APP: variants seen among roughly 807,000 people sequenced by gnomAD.
The protein encoded by APP is amyloid beta precursor protein.
In APP, 31 loss-of-function variants were observed where a neutral mutation model predicts 101.4. The ratio of observed to expected loss-of-function variants is 0.31; its 90% CI spans 0.23 to 0.41. APP has a LOEUF of 0.41. Among genes scored for constraint, APP ranks in the 10% least tolerant of loss-of-function variants. The probability of loss-of-function intolerance (pLI) is 1.00; values close to 1 mark genes in which losing one functional copy is unlikely to be tolerated. For synonymous variants in APP, 366 were observed against 364.4 expected, an observed-to-expected ratio of 1.00 and a Z score of -0.05; for missense variants, 839 against 1,003.7, an observed-to-expected ratio of 0.84 and a Z score of 2.22.
intron 14 of APP, among the ~76,000 whole-genome samples, chr21:25,911,401 G>A (rs976571319): frequency 6.6e-6 from 1 of 152,162 alleles, no homozygotes; most frequent in South Asian, 2.1e-4. Context: ...GGACATGTGC[G>A]AAACAAGAGG....
chr21:26,055,341 A>T (rs1221811194), intron 3 of APP, among the ~76,000 whole-genome samples: 1 of 152,232 alleles, frequency 6.6e-6, no homozygotes, highest in Non-Finnish European at 1.5e-5. Flanking sequence ...AAGCATTAAG[A>T]TATAAATTAT....
chr21:26,013,835 A>G (rs915598399), intron 6 of APP, among the ~76,000 whole-genome samples: 8 of 152,158 alleles, frequency 5.3e-5, no homozygotes, highest in Admixed American at 6.5e-5. Context: ...TGAGACCATT[A>G]AACTACACGG....
chr21:26,059,719 T>C (rs1269477340), intron 3 of APP, among the ~76,000 whole-genome samples: 1 of 151,516 alleles, frequency 6.6e-6, no homozygotes, highest in African/African-American at 2.4e-5. Flanking sequence ...TGAAACCCCG[T>C]CTCTACTAAA....
chr21:25,997,494 T>C, intron 7 of APP, 78 bp from the exon 8 acceptor site: 2 of 1,335,696 alleles, frequency 1.5e-6, no homozygotes, highest in Non-Finnish European at 2.2e-6. Flanking sequence ...ACGAGTCCAC[T>C]GACAAAAAAA....
At chr21:25,888,777 A>C (rs1341648602) in intron 17 of APP, among the ~76,000 whole-genome samples, 1 of 151,870 alleles carries the variant, frequency 6.6e-6, no homozygotes, top group Non-Finnish European at 1.5e-5. Context: ...CTGACTAAAA[A>C]AAGAGCGTTT....
rs1170548618 is a variant in APP at position 26,017,404 on chromosome 21, C to T, written c.865+4436G>A. Among the ~76,000 whole-genome samples, 6 of 80,474 alleles carry T rather than the reference C, an allele frequency of 7.5e-5. No individual in the cohort carries two copies. The South Asian group carries it at 2.3e-3, about 31-fold the overall frequency. 52.8% of individuals were successfully genotyped at this position (80,474 alleles called of 152,430 possible). A position where few individuals can be genotyped will look rare whatever the true frequency, so the allele number is the denominator to read the frequency against. On this transcript the variant is annotated intron_variant, in intron 6 of 17. Coordinates refer to ENST00000346798, the MANE Select transcript of APP (RefSeq NM_000484.4). ...CAGCCTAGGAAACATAGCAAAATCC[C>T]GTGTCAAAAAAAAAAAAAAAAAAAT...
chr21:25,891,671 T>A (rs773705711), intron 17 of APP, 51 bp downstream of exon 17: 5 of 1,585,348 alleles, frequency 3.2e-6, no homozygotes, highest in Non-Finnish European at 4.3e-6. Context: ...TAAGCCTAAT[T>A]CTCTCATAGT....
chr21:26,101,006 C>T (rs1968439413), intron 2 of APP, among the ~76,000 whole-genome samples: 1 of 151,916 alleles, frequency 6.6e-6, no homozygotes. Flanking sequence ...CCCCTAGACC[C>T]TAGCCCCTAG....
chr21:25,918,822 C>T (rs1216227561), intron 13 of APP, among the ~76,000 whole-genome samples: 2 of 150,012 alleles, frequency 1.3e-5, no homozygotes, highest in African/African-American at 4.9e-5. Flanking sequence ...CCGCCATTGC[C>T]CAGGCTTGCT....
intron 13 of APP, among the ~76,000 whole-genome samples, chr21:25,947,848 C>CA: frequency 6.6e-6 from 1 of 151,552 alleles, no homozygotes; most frequent in East Asian, 1.9e-4. Context: ...ACTAAAAATA[C>CA]AAAAAAATTA....
intron 9 of APP, among the ~76,000 whole-genome samples, chr21:25,980,411 C>G (rs562532993): frequency 6.6e-6 from 1 of 152,116 alleles, no homozygotes; most frequent in African/African-American, 2.4e-5. Context: ...ATTCATAGTC[C>G]TCCAATGCTT....
intron 5 of APP, among the ~76,000 whole-genome samples, chr21:26,026,224 G>A (rs150402117): frequency 3.9e-5 from 6 of 152,268 alleles, no homozygotes; most frequent in African/African-American, 9.6e-5. Flanking sequence ...TACCACATTC[G>A]CAGACTTTAG....
At chr21:25,911,563 CATA>C (rs1322575184) in intron 14 of APP, among the ~76,000 whole-genome samples, 175 bp downstream of exon 14, 2 of 152,108 alleles carry the variant, frequency 1.3e-5, no homozygotes, top group Admixed American at 1.3e-4. Context: ...ATTTTAATGA[CATA>C]GTAACTCCTA....
intron 5 of APP, among the ~76,000 whole-genome samples, chr21:26,034,651 AAAAAGAAAAAGAAAAAAAG>A (rs1036175792): frequency 2.4e-4 from 2 of 8,178 alleles, no homozygotes; most frequent in South Asian, 0.037. Flanking sequence ...AAAAAAAAAG[AAAAAGAAAAAGAAAAAAAG>A]AAAAGAAAAA....
intron 5 of APP, among the ~76,000 whole-genome samples, chr21:26,030,544 A>G (rs1601263220): frequency 1.3e-5 from 2 of 152,246 alleles, no homozygotes; most frequent in African/African-American, 4.8e-5. Context: ...TATTCTGGCA[A>G]GACTTAAATT....
At chr21:25,911,232 C>A (rs1029960085) in intron 14 of APP, among the ~76,000 whole-genome samples, 2 of 152,130 alleles carry the variant, frequency 1.3e-5, no homozygotes, top group Non-Finnish European at 2.9e-5. Flanking sequence ...ATATAATGTA[C>A]CATTTTATAT....
intron 1 of APP, among the ~76,000 whole-genome samples, chr21:26,159,672 A>C (rs1207690170): frequency 3.3e-5 from 5 of 152,220 alleles, no homozygotes; most frequent in African/African-American, 1.2e-4. Context: ...AATAAATTCT[A>C]AGAATGCATC....
rs2043089801 is a variant in APP, at chr21:25,997,243, T to G, written c.1090+117A>C. The G allele has an allele frequency of 5.0e-6, 5 of 1,004,350 alleles. No individual in the cohort carries two copies. In the African/African-American group the frequency reaches 7.9e-5, roughly 16 times the overall value. 62.2% of individuals were successfully genotyped at this position (1,004,350 alleles called of 1,614,324 possible). On this transcript the variant is annotated intron_variant, in intron 8 of 17. Transcript: ENST00000346798. The stretch of plus-strand genomic sequence containing the variant: ...AAGGTAATGGGAAGAAACATTTTAC[T>G]AAGACAGGTGTTCAAGAAACACAAA...
intron 3 of APP, among the ~76,000 whole-genome samples, chr21:26,078,304 A>G (rs2061535100): frequency 6.6e-6 from 1 of 152,224 alleles, no homozygotes; most frequent in Admixed American, 6.5e-5. Context: ...CCTAATTCAC[A>G]ATAGTAAACT....
Sources: gnomAD v4.1 joint callset for allele counts (sites outside exome capture counted in the v4.1 genomes callset) on GRCh38, gnomAD v4.1.1 for gene constraint, MANE v1.5 for transcripts, NCBI Gene and HGNC (gene_info 2026-07-23, HGNC 2026-07-21) for gene names.